The following PTPRK variants were observed in gnomAD, a reference collection of about 807,000 sequenced individuals.
PTPRK encodes protein tyrosine phosphatase receptor type K, also known as receptor-type tyrosine-protein phosphatase kappa.
A neutral mutation model predicts 178.0 loss-of-function variants in PTPRK; 75 were observed. The observed-to-expected ratio is 0.42, with a 90% CI of 0.35 to 0.51. The LOEUF (loss-of-function observed/expected upper bound fraction) is 0.51. PTPRK is among the 20% of genes least tolerant of loss of function. The pLI, the probability that PTPRK is intolerant of heterozygous loss-of-function variation, is 0.02. For synonymous variants in PTPRK, 637 were observed against 620.6 expected, an observed-to-expected ratio of 1.03 and a Z score of -0.39; for missense variants, 1,441 against 1,797.8, an observed-to-expected ratio of 0.80 and a Z score of 3.59.
At chr6:128,036,596 C>T (rs1021413843) in intron 13 of PTPRK, among the ~76,000 whole-genome samples, 7 of 152,038 alleles carry the variant, frequency 4.6e-5, no homozygotes, top group Admixed American at 4.6e-4. Flanking sequence ...ACTGCAAGTA[C>T]TTAATAAACT....
intron 2 of PTPRK, among the ~76,000 whole-genome samples, chr6:128,373,637 A>AT (rs1836611239): frequency 6.6e-6 from 1 of 152,066 alleles, no homozygotes; most frequent in East Asian, 1.9e-4. Context: ...TAGTATTCTG[A>AT]TTTTTCATTA....
intron 6 of PTPRK, among the ~76,000 whole-genome samples, chr6:128,203,129 C>T (rs1806271187): frequency 6.6e-6 from 1 of 152,142 alleles, no homozygotes; most frequent in African/African-American, 2.4e-5. Flanking sequence ...TGTGATTCAT[C>T]ACATAAACAG....
At chr6:128,394,136 A>AT (rs1839981968) in intron 2 of PTPRK, among the ~76,000 whole-genome samples, 1 of 152,170 alleles carries the variant, frequency 6.6e-6, no homozygotes, top group Non-Finnish European at 1.5e-5. Context: ...ACTCTCTTGC[A>AT]TCTGGTTTCT....
At chr6:128,372,855 T>C (rs76992828) in intron 2 of PTPRK, among the ~76,000 whole-genome samples, 1,656 of 152,196 alleles carry the variant, frequency 0.011, 12 homozygotes, top group African/African-American at 0.019. Flanking sequence ...TTTTTCACTA[T>C]AGCCTGCCAA....
intron 13 of PTPRK, among the ~76,000 whole-genome samples, chr6:128,048,099 A>C (rs1403231103): frequency 2.6e-5 from 4 of 152,214 alleles, no homozygotes. Context: ...GTAGCCTTAG[A>C]TCTCTCATGC....
intron 7 of PTPRK, among the ~76,000 whole-genome samples, chr6:128,118,030 C>A (rs1353604547): frequency 1.3e-5 from 2 of 152,128 alleles, no homozygotes; most frequent in East Asian, 3.9e-4. Flanking sequence ...AATAAATGCA[C>A]AAACTCAACA....
chr6:128,468,075 T>C (rs1850112505), intron 1 of PTPRK, among the ~76,000 whole-genome samples: 1 of 152,214 alleles, frequency 6.6e-6, no homozygotes, highest in Non-Finnish European at 1.5e-5. Context: ...CCACATTTGC[T>C]TATATTCAGT....
At chr6:128,421,988 A>T (rs1362205907) in intron 1 of PTPRK, among the ~76,000 whole-genome samples, 2 of 152,194 alleles carry the variant, frequency 1.3e-5, no homozygotes, top group Admixed American at 1.3e-4. Flanking sequence ...TCATCCACCT[A>T]AGAGGCCTGG....
At chr6:128,397,162 T>C (rs375376793) in intron 2 of PTPRK, among the ~76,000 whole-genome samples, 15 of 152,324 alleles carry the variant, frequency 9.8e-5, no homozygotes, top group African/African-American at 3.6e-4. Flanking sequence ...CCTTACAATG[T>C]AATAAAATTC....
At chr6:128,516,450 C>A (rs1166187476) in intron 1 of PTPRK, among the ~76,000 whole-genome samples, 2 of 152,010 alleles carry the variant, frequency 1.3e-5, no homozygotes, top group Admixed American at 6.6e-5. Context: ...GTGATTAGAA[C>A]GTGGAGTTTT....
At chr6:128,091,159 A>G in intron 7 of PTPRK, among the ~76,000 whole-genome samples, 1 of 152,198 alleles carries the variant, frequency 6.6e-6, no homozygotes. Flanking sequence ...AAAAATCTAC[A>G]TATGTGCAAA....
chr6:128,189,314 A>G (rs1369467705), intron 6 of PTPRK, among the ~76,000 whole-genome samples: 1 of 131,896 alleles, frequency 7.6e-6, no homozygotes, highest in African/African-American at 2.9e-5. Context: ...GTCTCGGCTC[A>G]CTGCAACCTC....
chr6:128,411,130 C>T (rs953485556), intron 1 of PTPRK, among the ~76,000 whole-genome samples: 6 of 152,138 alleles, frequency 3.9e-5, no homozygotes, highest in Non-Finnish European at 7.4e-5. Flanking sequence ...TGAGCTCATG[C>T]GATTCACTCA....
At chr6:128,342,051 G>A (rs1052148069) in intron 2 of PTPRK, among the ~76,000 whole-genome samples, 8 of 152,192 alleles carry the variant, frequency 5.3e-5, no homozygotes, top group South Asian at 2.1e-4. Flanking sequence ...TCAGGAGTTC[G>A]AGACCAGCCT....
At chr6:128,267,123 T>G (rs1819083942) in intron 3 of PTPRK, among the ~76,000 whole-genome samples, 1 of 152,210 alleles carries the variant, frequency 6.6e-6, no homozygotes, top group African/African-American at 2.4e-5. Context: ...TGATTTGTTA[T>G]TTTTCTGGGT....
chr6:128,518,690 A>G (rs1183259541), intron 1 of PTPRK, among the ~76,000 whole-genome samples: 1 of 152,358 alleles, frequency 6.6e-6, no homozygotes, highest in East Asian at 1.9e-4. Flanking sequence ...AAATGCATGC[A>G]GTAATGCTTA....
chr6:128,096,764 C>G (rs1344437317), intron 7 of PTPRK, among the ~76,000 whole-genome samples: 1 of 152,022 alleles, frequency 6.6e-6, no homozygotes, highest in East Asian at 1.9e-4. Flanking sequence ...TTCCATTTAT[C>G]AAAACAAATA....
chr6:128,475,603 G>A (rs1851278007), intron 1 of PTPRK, among the ~76,000 whole-genome samples: 1 of 151,992 alleles, frequency 6.6e-6, no homozygotes, highest in Non-Finnish European at 1.5e-5. Flanking sequence ...AAGGCCAACT[G>A]GCAAGTTTCA....
chr6:128,123,746 A>G (rs1202127983), intron 7 of PTPRK, among the ~76,000 whole-genome samples: 2 of 152,208 alleles, frequency 1.3e-5, no homozygotes, highest in Non-Finnish European at 2.9e-5. Context: ...CTGTGAGTTT[A>G]CCAGACTTCC....
Sources: allele counts gnomAD v4.1 joint callset (sites outside exome capture counted in the v4.1 genomes callset), GRCh38; gene constraint gnomAD v4.1.1; transcripts MANE v1.5; gene names NCBI Gene and HGNC (gene_info 2026-07-23, HGNC 2026-07-21).